MYH16: variants seen among roughly 807,000 people sequenced by gnomAD.
MYH16 encodes the protein putative uncharacterized protein MYH16.
At position 99,297,632 on chromosome 7, in the gene MYH16, C is replaced by T. The variant is rs183036402; in HGVS notation, n.4500-28C>T. ...CTGCCATGACCCTGGAATGCCGAGTCTTATTAACATGAATATTTCTATCTC... is the reference window on the plus strand; with the variant it reads ...CTGCCATGACCCTGGAATGCCGAGTTTTATTAACATGAATATTTCTATCTC... On this transcript the variant is annotated intron_variant and non_coding_transcript_variant, in intron 34 of 41. Coordinates refer to ENST00000439784, the Ensembl canonical transcript of MYH16. The T allele has an allele frequency of 1.3e-3, 580 of 452,776 alleles. 3 individuals carry two copies. Among genetic ancestry groups the T allele is most frequent in the African/African-American group, 0.011 (532 of 49,922 alleles). The allele number at this position is 452,776 out of a possible 1,614,324, so 28.0% of individuals were successfully genotyped here. A position where few individuals can be genotyped will look rare whatever the true frequency, so the allele number is the denominator to read the frequency against.
At chr7:99,273,208 G>A in intron 19 of MYH16, 131 bp downstream of exon 1, 1 of 402,478 alleles carries the variant, frequency 2.5e-6, no homozygotes, top group Admixed American at 2.6e-5. Flanking sequence ...GCAATGCTGG[G>A]TCTCGAGAAG....
intron 21 of MYH16, among the ~76,000 whole-genome samples, 166 bp downstream of exon 3, chr7:99,277,878 C>CGT (rs61634087): frequency 0.045 from 5,494 of 121,576 alleles, 148 homozygotes; most frequent in Middle Eastern, 0.059. Context: ...CCATCCAATT[C>CGT]GTGTGTGTGT....
chr7:99,256,722 C>CGG (rs1015873827), intron 9 of MYH16, among the ~76,000 whole-genome samples: 4 of 152,184 alleles, frequency 2.6e-5, no homozygotes, highest in African/African-American at 9.7e-5. Flanking sequence ...TTGCAGTGAG[C>CGG]GGAGATTGTG....
intron 8 of MYH16, chr7:99,255,452 A>G (rs1216477695): frequency 6.9e-6 from 1 of 144,296 alleles, no homozygotes; most frequent in East Asian, 2.3e-4. Flanking sequence ...TGTTGAAAGA[A>G]AGAGAGAGAG....
intron 1 of MYH16, among the ~76,000 whole-genome samples, chr7:99,241,926 T>A (rs1425137259): frequency 6.6e-6 from 1 of 151,724 alleles, no homozygotes; most frequent in Non-Finnish European, 1.5e-5. Flanking sequence ...AGCGGCATGA[T>A]CTCCGCTCAC....
chr7:99,254,240 CTCTG>C (rs777351650), intron 8 of MYH16: 2 of 152,050 alleles, frequency 1.3e-5, no homozygotes, highest in African/African-American at 2.4e-5. Context: ...CAGAACAAGA[CTCTG>C]TCTGAAGAAA....
intron 18 of MYH16, among the ~76,000 whole-genome samples, chr7:99,270,564 A>T (rs752998333): frequency 8.3e-4 from 125 of 150,706 alleles, no homozygotes; most frequent in Non-Finnish European, 1.5e-3. Context: ...TGATCCACCC[A>T]CCTCGGCCTC....
intron 33 of MYH16, 37 bp from the exon 15 acceptor site, chr7:99,296,664 G>A (rs1293120383): frequency 2.2e-6 from 1 of 454,170 alleles, no homozygotes; most frequent in Non-Finnish European, 4.4e-6. Context: ...GAGGCAAGGA[G>A]GTTGGACCCC....
intron 20 of MYH16, among the ~76,000 whole-genome samples, chr7:99,276,965 C>T (rs148681045): frequency 1.5e-4 from 23 of 150,636 alleles, no homozygotes; most frequent in African/African-American, 4.9e-4. Flanking sequence ...AACAGAAACA[C>T]GGAGAGAGAA....
chr7:99,290,803 C>CAAAAAAAA (rs35108042), intron 30 of MYH16: 1 of 107,278 alleles, frequency 9.3e-6, no homozygotes, highest in African/African-American at 2.9e-5. Context: ...AACTTGGTCT[C>CAAAAAAAA]AAAAAAAAAA....
At chr7:99,267,865 G>C (rs568200665) in intron 18 of MYH16, among the ~76,000 whole-genome samples, 1 of 152,296 alleles carries the variant, frequency 6.6e-6, no homozygotes, top group African/African-American at 2.4e-5. Context: ...GACACAGGAG[G>C]TTCACAGGCT....
intron 24 of MYH16, 87 bp from the exon 7 acceptor site, chr7:99,283,786 A>G: frequency 2.3e-6 from 1 of 430,052 alleles, no homozygotes. Flanking sequence ...TGCCACAGCT[A>G]AAGGATCGGA....
intron 25 of MYH16, 99 bp downstream of exon 7, chr7:99,284,117 C>T (rs1792242888): frequency 2.7e-6 from 1 of 369,382 alleles, no homozygotes; most frequent in Non-Finnish European, 5.3e-6. Context: ...GAGAGCCTCA[C>T]AAACATTCCT....
At chr7:99,286,117 C>T (rs1026773369) in intron 27 of MYH16, among the ~76,000 whole-genome samples, 1 of 152,228 alleles carries the variant, frequency 6.6e-6, no homozygotes, top group African/African-American at 2.4e-5. Flanking sequence ...TGATTATCAT[C>T]GGTATCATTA....
Position 99,273,443 on chromosome 7 carries a change from G to GC in MYH16, n.2485+22dup, listed in dbSNP as rs1438327712. ...AACAAGGTGAGGGCCGAGGGGCCAG[G>GC]CCAGGGGGGACTGCTGCTGCCTATG... On this transcript the variant is annotated intron_variant and non_coding_transcript_variant, in intron 20 of 41. Transcript: ENST00000439784. 2.2e-6 allele frequency: 1 copy of GC among 456,556 alleles called. No homozygotes were observed. The highest frequency in any genetic ancestry group is 4.4e-6 in the Non-Finnish European group (1 of 226,990). 28.3% of individuals were successfully genotyped at this position (456,556 alleles called of 1,614,324 possible).
At chr7:99,292,435 A>G (rs752232484) in exon 32 of MYH16, 1 of 460,818 alleles carries the variant, frequency 2.2e-6, no homozygotes, top group Non-Finnish European at 4.4e-6. Context: ...CAAACTCAAC[A>G]CTGAGGTCAC....
chr7:99,260,436 A>G (rs1207028730), intron 12 of MYH16: 1 of 536,678 alleles, frequency 1.9e-6, no homozygotes, highest in Non-Finnish European at 3.5e-6. Context: ...AGTCAGTGAC[A>G]CCACCAGTGA....
intron 29 of MYH16, among the ~76,000 whole-genome samples, 151 bp from the exon 11 acceptor site, chr7:99,289,136 G>A (rs1178117642): frequency 1.3e-5 from 2 of 150,690 alleles, no homozygotes; most frequent in Admixed American, 6.6e-5. Context: ...AAAATGGTGA[G>A]CCATTTGGGG....
At chr7:99,249,853 G>T (rs11761427) in intron 4 of MYH16, 15,030 of 152,158 alleles carry the variant, frequency 0.099, 1,006 homozygotes, top group African/African-American at 0.19. Flanking sequence ...CACTGTGCCC[G>T]GTTAATTTTT....
Sources: gnomAD v4.1 joint callset for allele counts (sites outside exome capture counted in the v4.1 genomes callset) on GRCh38, gnomAD v4.1.1 for gene constraint, MANE v1.5 for transcripts, NCBI Gene and HGNC (gene_info 2026-07-23, HGNC 2026-07-21) for gene names.